The following PSMD1 variants were observed in gnomAD, a reference collection of about 807,000 sequenced individuals.
The protein encoded by PSMD1 is proteasome 26S subunit, non-ATPase 1, also known as 26S proteasome non-ATPase regulatory subunit 1.
A neutral mutation model predicts 119.0 loss-of-function variants in PSMD1; 18 were observed. The ratio of observed to expected loss-of-function variants is 0.15; its 90% CI spans 0.10 to 0.22. The LOEUF is 0.22. Among genes scored for constraint, PSMD1 ranks in the 10% least tolerant of loss-of-function variants. The pLI, the probability that PSMD1 is intolerant of heterozygous loss-of-function variation, is 1.00. For missense variants in PSMD1, 702 were observed against 1,158.5 expected, an observed-to-expected ratio of 0.61 and a Z score of 5.72; for synonymous variants, 374 against 396.6, an observed-to-expected ratio of 0.94 and a Z score of 0.68.
Position 231,070,111 on chromosome 2 carries a change from A to G in PSMD1, c.597A>G (p.Arg199=), listed in dbSNP as rs776390381. ...AACAGTTTCGGAATAAAGTACTAAG[A>G]GTTCTAGTTAAAATCTACATGAACT... ...QNKQFRNKVL[R]VLVKIYMNLE... The change falls in exon 6 of 25, where the codon AGA becomes AGG. Residue 199 remains arginine (R), a synonymous_variant. Coordinates refer to ENST00000308696, the MANE Select transcript of PSMD1 (RefSeq NM_002807.4). 5.1e-6 allele frequency: 8 copies of G among 1,577,172 alleles called. No individual in the cohort carries two copies. The African/African-American group carries it at 1.1e-4, about 22-fold the overall frequency.
intron 18 of PSMD1, 138 bp from the exon 19 acceptor site, chr2:231,153,426 G>A: frequency 1.5e-6 from 1 of 658,044 alleles, no homozygotes; most frequent in Non-Finnish European, 2.6e-6. Context: ...CTGCCTTCAA[G>A]TCTGGTCCAT....
At chr2:231,153,267 G>C (rs1696410316) in intron 18 of PSMD1, among the ~76,000 whole-genome samples, 1 of 152,156 alleles carries the variant, frequency 6.6e-6, no homozygotes, top group Non-Finnish European at 1.5e-5. Flanking sequence ...GGACTTTTTA[G>C]GCCTGCTGAC....
intron 16 of PSMD1, among the ~76,000 whole-genome samples, chr2:231,118,101 C>T (rs530428589): frequency 1.4e-5 from 2 of 147,466 alleles, no homozygotes; most frequent in Admixed American, 1.3e-4. Context: ...CCCTCTGCTT[C>T]TCTGTCCTCT....
chr2:231,155,690 C>G (rs2125261828), intron 19 of PSMD1, among the ~76,000 whole-genome samples: 1 of 151,502 alleles, frequency 6.6e-6, no homozygotes, highest in South Asian at 2.1e-4. Context: ...GGCAAATGTT[C>G]CTCTCTTTTA....
intron 17 of PSMD1, among the ~76,000 whole-genome samples, chr2:231,143,809 C>G (rs1185547853): frequency 6.6e-6 from 1 of 152,096 alleles, no homozygotes; most frequent in Non-Finnish European, 1.5e-5. Flanking sequence ...CTTCTTTTTT[C>G]ATAGAACTGA....
intron 12 of PSMD1, among the ~76,000 whole-genome samples, chr2:231,081,995 TGAAA>T (rs1396335370): frequency 6.6e-6 from 1 of 152,244 alleles, no homozygotes; most frequent in Non-Finnish European, 1.5e-5. Flanking sequence ...GTAAACCTAC[TGAAA>T]GAGAGTTGTC....
intron 16 of PSMD1, among the ~76,000 whole-genome samples, chr2:231,131,921 CTT>C (rs1468854567): frequency 6.6e-6 from 1 of 152,086 alleles, no homozygotes. Flanking sequence ...CATTTCTTGT[CTT>C]AACACTTGTT....
intron 7 of PSMD1, among the ~76,000 whole-genome samples, chr2:231,075,119 G>A (rs971993436): frequency 1.5e-4 from 23 of 152,108 alleles, no homozygotes; most frequent in African/African-American, 5.3e-4. Context: ...TCCTCAATAT[G>A]GTGCTTTGAC....
At chr2:231,067,192 G>A in intron 5 of PSMD1, 81 bp downstream of exon 5, 2 of 1,079,138 alleles carry the variant, frequency 1.9e-6, no homozygotes, top group Non-Finnish European at 2.6e-6. Context: ...ACTTTCATAG[G>A]CAGTGAAAAG....
At chr2:231,107,406 A>T (rs1482005478) in intron 16 of PSMD1, among the ~76,000 whole-genome samples, 1 of 152,330 alleles carries the variant, frequency 6.6e-6, no homozygotes, top group East Asian at 1.9e-4. Context: ...GGTATGAGTT[A>T]TCTTCACTGC....
intron 16 of PSMD1, among the ~76,000 whole-genome samples, chr2:231,099,339 C>T (rs1694807027): frequency 6.6e-6 from 1 of 152,174 alleles, no homozygotes; most frequent in Non-Finnish European, 1.5e-5. Flanking sequence ...GGACTTTTAC[C>T]ATTAACATAT....
intron 6 of PSMD1, among the ~76,000 whole-genome samples, chr2:231,070,542 A>G (rs1694019049): frequency 6.6e-6 from 1 of 152,114 alleles, no homozygotes; most frequent in African/African-American, 2.4e-5. Context: ...TATAAATTAT[A>G]TATGGTTTCA....
chr2:231,109,172 A>G, intron 16 of PSMD1: 1 of 1,614,202 alleles, frequency 6.2e-7, no homozygotes, highest in Non-Finnish European at 8.5e-7. Flanking sequence ...AACTGTAGAC[A>G]CAGTCAACCA....
chr2:231,154,434 G>A (rs1244820584), intron 19 of PSMD1, among the ~76,000 whole-genome samples: 1 of 151,912 alleles, frequency 6.6e-6, no homozygotes, highest in Non-Finnish European at 1.5e-5. Flanking sequence ...TGGTGACAGT[G>A]CCTGTCACTT....
intron 16 of PSMD1, among the ~76,000 whole-genome samples, chr2:231,113,121 G>A (rs1299213828): frequency 1.3e-5 from 2 of 152,052 alleles, no homozygotes; most frequent in Non-Finnish European, 2.9e-5. Flanking sequence ...CCATGATTGT[G>A]CCATTGCACT....
chr2:231,094,225 TTAGC>T (rs1694671318), intron 16 of PSMD1, among the ~76,000 whole-genome samples: 1 of 152,218 alleles, frequency 6.6e-6, no homozygotes, highest in South Asian at 2.1e-4. Context: ...GATAATTTCT[TTAGC>T]TAGCCTTTGG....
intron 16 of PSMD1, among the ~76,000 whole-genome samples, chr2:231,094,647 A>G (rs556486637): frequency 2.0e-5 from 3 of 152,316 alleles, no homozygotes; most frequent in African/African-American, 4.8e-5. Context: ...TGTGGTTTCT[A>G]CCAAATTGCC....
intron 16 of PSMD1, among the ~76,000 whole-genome samples, chr2:231,111,535 G>A (rs2125209556): frequency 6.6e-6 from 1 of 152,244 alleles, no homozygotes; most frequent in African/African-American, 2.4e-5. Flanking sequence ...CTGTTGCCAG[G>A]TATTACCTAG....
intron 16 of PSMD1, among the ~76,000 whole-genome samples, chr2:231,095,739 A>C (rs975474130): frequency 1.5e-4 from 23 of 152,248 alleles, no homozygotes; most frequent in African/African-American, 3.9e-4. Flanking sequence ...TAACGGCTAA[A>C]GGCCAATCTT....
Sources: gnomAD v4.1 joint callset for allele counts (sites outside exome capture counted in the v4.1 genomes callset) on GRCh38, gnomAD v4.1.1 for gene constraint, MANE v1.5 for transcripts, NCBI Gene and HGNC (gene_info 2026-07-23, HGNC 2026-07-21) for gene names.